Variants in PPP2R2B observed in about 807,000 individuals in gnomAD.
The protein encoded by PPP2R2B is protein phosphatase 2 regulatory subunit Bbeta, also known as serine/threonine-protein phosphatase 2A 55 kDa regulatory subunit B beta isoform.
In PPP2R2B, 5 loss-of-function variants were observed where a neutral mutation model predicts 46.0. That is an observed-to-expected ratio of 0.11 (90% CI 0.06 to 0.23). The LOEUF (loss-of-function observed/expected upper bound fraction) is 0.23, where lower values mean the gene tolerates loss of function less well. PPP2R2B is among the 10% of genes least tolerant of loss of function. The pLI is 1.00. For missense variants in PPP2R2B, 367 were observed against 575.0 expected (o/e 0.64, Z 3.70); for synonymous variants, 215 against 206.7 (o/e 1.04, Z -0.34).
intron 5 of PPP2R2B, among the ~76,000 whole-genome samples, chr5:146,672,080 G>C (rs962681367): frequency 1.3e-5 from 2 of 152,220 alleles, no homozygotes; most frequent in Admixed American, 1.3e-4. Flanking sequence ...GAGCTTGGCA[G>C]GGGGTAATTT....
chr5:146,986,012 C>T (rs1753414119), intron 1 of PPP2R2B, among the ~76,000 whole-genome samples: 2 of 152,130 alleles, frequency 1.3e-5, no homozygotes. Flanking sequence ...ACAAGAACAT[C>T]AAATTGAATA....
rs1425672418 is a variant in PPP2R2B at position 146,720,169 on chromosome 5, C to G, written c.71-19027G>C. 2.6e-5 allele frequency among the ~76,000 whole-genome samples: 4 copies of G among 152,110 alleles called. No individual in the cohort carries two copies. The East Asian group carries it at 7.7e-4, about 29-fold the overall frequency. On this transcript the variant is annotated intron_variant, in intron 2 of 9. Coordinates refer to ENST00000394411, the MANE Select transcript of PPP2R2B (RefSeq NM_181675.4). ...TGGTACCTCTCTACAGGGCTGCATGCAAGGTAGCAACACCTTTATCCACAC... is the reference window on the plus strand; with the variant it reads ...TGGTACCTCTCTACAGGGCTGCATGGAAGGTAGCAACACCTTTATCCACAC...
intron 2 of PPP2R2B, among the ~76,000 whole-genome samples, chr5:147,070,909 T>C (rs1479446840): frequency 6.6e-6 from 1 of 152,098 alleles, no homozygotes; most frequent in Non-Finnish European, 1.5e-5. Context: ...GAAGTGGGCA[T>C]CTGCTGTGAA....
intron 1 of PPP2R2B, among the ~76,000 whole-genome samples, chr5:147,003,379 C>A (rs765983295): frequency 6.6e-6 from 1 of 152,114 alleles, no homozygotes; most frequent in Admixed American, 6.6e-5. Context: ...AACCCAGGTA[C>A]GTGTCCCTTC....
chr5:147,006,057 G>GA (rs1754423401), intron 1 of PPP2R2B, among the ~76,000 whole-genome samples: 1 of 152,104 alleles, frequency 6.6e-6, no homozygotes, highest in Non-Finnish European at 1.5e-5. Flanking sequence ...CTAACAGGGG[G>GA]ATCTAAATCT....
At chr5:146,974,961 C>A (rs1171947689) in intron 1 of PPP2R2B, among the ~76,000 whole-genome samples, 1 of 152,010 alleles carries the variant, frequency 6.6e-6, no homozygotes, top group African/African-American at 2.4e-5. Context: ...AGTGCTGGGA[C>A]TACAGGCGTG....
chr5:146,973,578 G>A (rs888059181), intron 1 of PPP2R2B, among the ~76,000 whole-genome samples: 9 of 152,148 alleles, frequency 5.9e-5, no homozygotes, highest in African/African-American at 2.2e-4. Context: ...CAAAATTGGG[G>A]TTATGAGAAG....
chr5:146,678,758 CAG>C (rs1777918716), intron 5 of PPP2R2B, among the ~76,000 whole-genome samples: 1 of 143,554 alleles, frequency 7.0e-6, no homozygotes. Context: ...AACAGACAAA[CAG>C]AGAGCCAAAT....
At position 146,878,504 on chromosome 5, in the gene PPP2R2B, C is replaced by T. The variant is rs761474583; in HGVS notation, c.-125+87G>A. On this transcript the variant is annotated intron_variant, in intron 1 of 9. Transcript: ENST00000394411. This position sits in a 1 kb window ranked among gnomAD's most constrained non-coding sequence, Gnocchi z 4.5. ...AATGCAAAAAAGATCCCTCCTCCCC[C>T]TGGGAGAGCGGGCAGCCGCGACAAA... 86 of 1,315,176 alleles carry T rather than the reference C, an allele frequency of 6.5e-5. No individual in the cohort carries two copies. Among genetic ancestry groups the T allele is most frequent in the Non-Finnish European group, 8.0e-5 (82 of 1,022,362 alleles). The allele number at this position is 1,315,176 out of a possible 1,614,324, so 81.5% of individuals were successfully genotyped here. A position where few individuals can be genotyped will look rare whatever the true frequency, so the allele number is the denominator to read the frequency against.
At chr5:146,873,393 GAA>G (rs1761721530) in intron 2 of PPP2R2B, among the ~76,000 whole-genome samples, 1 of 152,076 alleles carries the variant, frequency 6.6e-6, no homozygotes, top group Non-Finnish European at 1.5e-5. Flanking sequence ...TAAACTTCTA[GAA>G]AAACAAATCT....
intron 2 of PPP2R2B, among the ~76,000 whole-genome samples, chr5:146,748,214 G>C (rs1753312241): frequency 6.6e-6 from 1 of 152,066 alleles, no homozygotes; most frequent in Admixed American, 6.5e-5. Flanking sequence ...TGGCGTAGCA[G>C]GAATTTAAAC....
intron 2 of PPP2R2B, among the ~76,000 whole-genome samples, chr5:147,071,394 G>T (rs1425470986): frequency 6.6e-6 from 1 of 152,126 alleles, no homozygotes; most frequent in Non-Finnish European, 1.5e-5. Flanking sequence ...TTCAACTAGT[G>T]GCTCTCTATT....
chr5:146,819,639 G>A lies in PPP2R2B; in HGVS notation c.70+58363C>T, dbSNP rs189693970. ...TTTAGCTTTCTATGTTTTTTTGTAT[G>A]AATGTATATTAAAATGAATTTGCTT... On this transcript the variant is annotated intron_variant, in intron 2 of 9. Transcript: ENST00000394411. Among the ~76,000 whole-genome samples the A allele has an allele frequency of 3.2e-3, 483 of 152,214 alleles. 2 individuals carry two copies. Among genetic ancestry groups the A allele is most frequent in the African/African-American group, 0.011 (459 of 41,530 alleles).
intron 1 of PPP2R2B, among the ~76,000 whole-genome samples, chr5:147,018,068 C>A (rs1238161968): frequency 6.6e-6 from 1 of 151,632 alleles, no homozygotes; most frequent in Non-Finnish European, 1.5e-5. Flanking sequence ...CACACACACA[C>A]ACACACACAC....
At chr5:146,960,069 G>A (rs1435841821) in intron 1 of PPP2R2B, among the ~76,000 whole-genome samples, 1 of 152,112 alleles carries the variant, frequency 6.6e-6, no homozygotes, top group African/African-American at 2.4e-5. Context: ...TGTAGGGATG[G>A]CTGTGTTAGA....
At chr5:147,022,399 TA>T (rs34830622) in intron 1 of PPP2R2B, among the ~76,000 whole-genome samples, 1,665 of 135,284 alleles carry the variant, frequency 0.012, 21 homozygotes, top group African/African-American at 0.039. Flanking sequence ...TCTGCTAAAA[TA>T]AAAAAAAAAA....
At chr5:146,999,673 G>T (rs1184682399) in intron 1 of PPP2R2B, among the ~76,000 whole-genome samples, 2 of 152,184 alleles carry the variant, frequency 1.3e-5, no homozygotes. Context: ...GAAGGGAACA[G>T]ATTCCCAGGA....
intron 1 of PPP2R2B, among the ~76,000 whole-genome samples, chr5:147,017,952 GA>G (rs1373208548): frequency 6.6e-6 from 1 of 151,844 alleles, no homozygotes; most frequent in Non-Finnish European, 1.5e-5. Flanking sequence ...TAAGTTAGAA[GA>G]TGATAAAGAC....
chr5:146,673,303 A>T (rs1469388038), intron 5 of PPP2R2B, among the ~76,000 whole-genome samples: 1 of 151,718 alleles, frequency 6.6e-6, no homozygotes, highest in Non-Finnish European at 1.5e-5. Flanking sequence ...AAATTTCTGT[A>T]AAGTAAGTAC....
Sources: allele counts gnomAD v4.1 joint callset (sites outside exome capture counted in the v4.1 genomes callset), GRCh38; gene constraint gnomAD v4.1.1; non-coding constraint Gnocchi (gnomAD v3.1); transcripts MANE v1.5; gene names NCBI Gene and HGNC (gene_info 2026-07-23, HGNC 2026-07-21).